The following FTCD variants were observed in gnomAD, a reference collection of about 807,000 sequenced individuals.
The protein encoded by FTCD is formimidoyltransferase-cyclodeaminase.
FTCD carries 76 observed loss-of-function variants against 62.9 expected under a neutral mutation model. That is an observed-to-expected ratio of 1.21 (90% CI 1.00 to 1.46). The LOEUF (loss-of-function observed/expected upper bound fraction) is 1.46, where lower values mean the gene tolerates loss of function less well. Among genes scored for constraint, FTCD ranks in the 40% most tolerant of loss-of-function variants. The pLI, the probability that FTCD is intolerant of heterozygous loss-of-function variation, is 0.00. For synonymous variants in FTCD, 397 were observed against 336.9 expected (o/e 1.18, Z -1.95); for missense variants, 845 against 751.3 (o/e 1.12, Z -1.46).
At chr21:46,138,234 G>A (rs751108356) in intron 12 of FTCD, among the ~76,000 whole-genome samples, 43 of 152,192 alleles carry the variant, frequency 2.8e-4, no homozygotes, top group Non-Finnish European at 5.1e-4. Flanking sequence ...GGTGATACAA[G>A]GGGTCTTGGG....
chr21:46,140,033 G>A (rs1264119097), intron 10 of FTCD, among the ~76,000 whole-genome samples: 1 of 152,198 alleles, frequency 6.6e-6, no homozygotes, highest in African/African-American at 2.4e-5. Flanking sequence ...TTGGTGGTGG[G>A]GAAATACAGT....
rs771879650 is a variant in FTCD, at chr21:46,137,424, C to T, written c.1444-90G>A. The T allele has an allele frequency of 1.6e-4, 166 of 1,009,346 alleles. 1 individual carries two copies. The highest frequency in any genetic ancestry group is 2.2e-4 in the Non-Finnish European group (141 of 640,728). 62.5% of individuals were successfully genotyped at this position (1,009,346 alleles called of 1,614,324 possible). A position where few individuals can be genotyped will look rare whatever the true frequency, so the allele number is the denominator to read the frequency against. Reference sequence around the variant, plus strand: ...CTGCCTGACGGGCTCTGGGACAGGCCGGACTTCGTCCTCCTCCTCACAAGG... The same window carrying T: ...CTGCCTGACGGGCTCTGGGACAGGCTGGACTTCGTCCTCCTCCTCACAAGG... On this transcript the variant is annotated intron_variant, in intron 12 of 13. Transcript: ENST00000397746.
chr21:46,137,212 C>T (rs763952053), intron 13 of FTCD, 27 bp downstream of exon 13: 37 of 1,587,606 alleles, frequency 2.3e-5, no homozygotes, highest in East Asian at 6.7e-5. Flanking sequence ...ACGTGGGGTC[C>T]GGGCACCACA....
chr21:46,139,368 G>A (rs557449830), intron 10 of FTCD, among the ~76,000 whole-genome samples: 29 of 152,244 alleles, frequency 1.9e-4, no homozygotes, highest in Admixed American at 2.6e-4. Flanking sequence ...TCCCTGCCCC[G>A]GTCACAGGCA....
At chr21:46,136,409 G>A (rs2078867983), downstream of FTCD, 1 of 1,608,996 alleles carries the variant, frequency 6.2e-7, no homozygotes, top group Non-Finnish European at 8.5e-7. Flanking sequence ...ACCGTGCTCT[G>A]TGGAACTGTC....
intron 10 of FTCD, 127 bp from the exon 11 acceptor site, chr21:46,139,050 C>G (rs2078937381): frequency 1.3e-6 from 1 of 771,626 alleles, no homozygotes; most frequent in South Asian, 1.4e-5. Context: ...GGGAACCAAG[C>G]TTCTGTTGGG....
At chr21:46,137,463 C>T (rs1420626856) in intron 12 of FTCD, 129 bp from the exon 13 acceptor site, 4 of 767,064 alleles carry the variant, frequency 5.2e-6, no homozygotes, top group African/African-American at 5.1e-5. Flanking sequence ...CCAGCGCAGC[C>T]CCCGCTTTCG....
chr21:46,152,823 A>G, intron 3 of FTCD, 84 bp downstream of exon 3: 7 of 1,170,080 alleles, frequency 6.0e-6, no homozygotes, highest in Non-Finnish European at 8.3e-6. Flanking sequence ...AGTCAAGGGC[A>G]GGGAACTGGG....
At chr21:46,147,807 G>A (rs1028374663) in intron 7 of FTCD, among the ~76,000 whole-genome samples, 8 of 151,972 alleles carry the variant, frequency 5.3e-5, no homozygotes, top group Admixed American at 3.3e-4. Context: ...AGCCAAGTGC[G>A]GTGGCACACG....
At chr21:46,136,570 C>T, downstream of FTCD, 1 of 1,574,020 alleles carries the variant, frequency 6.4e-7, no homozygotes. Context: ...CACTGAACCC[C>T]AGGTCCTCTG....
intron 10 of FTCD, among the ~76,000 whole-genome samples, chr21:46,141,776 CA>C (rs1463293085): frequency 1.3e-5 from 2 of 151,842 alleles, no homozygotes; most frequent in African/African-American, 2.4e-5. Flanking sequence ...TAAAAGGAGT[CA>C]AAAAATATTC....
intron 10 of FTCD, among the ~76,000 whole-genome samples, chr21:46,140,365 G>A (rs1348134190): frequency 7.5e-6 from 1 of 132,484 alleles, no homozygotes; most frequent in Admixed American, 7.9e-5. Context: ...GCACTCCCCC[G>A]TCCACCTTCA....
chr21:46,146,199 C>T, intron 8 of FTCD, 67 bp downstream of exon 8: 1 of 1,140,168 alleles, frequency 8.8e-7, no homozygotes, highest in Non-Finnish European at 1.3e-6. Flanking sequence ...GGGACCCCAG[C>T]GCCCCGCAAG....
Position 46,145,355 on chromosome 21 carries a change from G to A in FTCD, c.1260+62C>T, listed in dbSNP as rs954823315. 2.8e-6 allele frequency: 4 copies of A among 1,404,452 alleles called. No homozygotes were observed. The Admixed American group carries it at 8.3e-5, about 29-fold the overall frequency. The allele number at this position is 1,404,452 out of a possible 1,614,324, so 87.0% of individuals were successfully genotyped here. ...CGGAGGCTGACCCGCTTCTCACTGG[G>A]GCCCCAGCTGGGGGTTCGCTGTTGG... On this transcript the variant is annotated intron_variant, in intron 10 of 13. Transcript: ENST00000397746.
In FTCD at chr21:46,136,886, G is replaced by A. The variant is rs1456066299; in HGVS notation, c.*101C>T. The A allele has an allele frequency of 1.3e-6, 2 of 1,580,404 alleles. No individual in the cohort carries two copies. Among genetic ancestry groups the A allele is most frequent in the African/African-American group, 1.3e-5 (1 of 74,120 alleles). ...CCGCTGCCTGCCCACCTACCCTCCG[G>A]GCCCCACACGAACAAGCTGTGTCCC... On this transcript the variant is annotated 3_prime_UTR_variant, in exon 14 of 14. Coordinates refer to ENST00000397746, the MANE Select transcript of FTCD (RefSeq NM_206965.2).
At chr21:46,136,454 C>A (rs781643570), downstream of FTCD, 5 of 1,612,640 alleles carry the variant, frequency 3.1e-6, no homozygotes, top group Non-Finnish European at 3.4e-6. Context: ...GGAAGCGAGG[C>A]TATCCTTCCA....
chr21:46,149,272 G>C (rs1403411657), intron 7 of FTCD, among the ~76,000 whole-genome samples: 3 of 152,192 alleles, frequency 2.0e-5, no homozygotes, highest in Non-Finnish European at 2.9e-5. Flanking sequence ...TGTGAATCCA[G>C]AGGAAAGGAG....
rs1320350096 is a variant in FTCD at position 46,150,242 on chromosome 21, G to T, written c.783C>A (p.Ser261Arg). The T allele has an allele frequency of 5.0e-6, 8 of 1,609,396 alleles. No homozygotes were observed. The highest frequency in any genetic ancestry group is 6.8e-6 in the Non-Finnish European group (8 of 1,178,552). Residue 261 changes from serine to arginine, a missense_variant, in exon 7 of 14, where the codon AGC becomes AGA. Ser to Arg is a moderately radical substitution (Grantham distance 110). Transcript: ENST00000397746. ...EETCREAQEL[S>R]LPVVGSQLVG... is the part of the protein sequence containing the mutation. ...CCAGCTGTGAGCCCACCACTGGGAG[G>T]CTCAGCTCCTGCCAAGGCACAGGCA...
intron 10 of FTCD, 85 bp downstream of exon 10, chr21:46,145,332 G>A (rs745323115): frequency 8.6e-7 from 1 of 1,169,058 alleles, no homozygotes; most frequent in Non-Finnish European, 1.2e-6. Flanking sequence ...TCCCCAGCCG[G>A]AGGCTGACCC....
Sources: allele counts gnomAD v4.1 joint callset (sites outside exome capture counted in the v4.1 genomes callset), GRCh38; gene constraint gnomAD v4.1.1; transcripts MANE v1.5; gene names NCBI Gene and HGNC (gene_info 2026-07-23, HGNC 2026-07-21).